The following SLC44A1 variants were observed in gnomAD, a reference collection of about 807,000 sequenced individuals.
SLC44A1 encodes choline transporter-like protein 1.
SLC44A1 carries 26 observed loss-of-function variants against 79.3 expected under a neutral mutation model. That is an observed-to-expected ratio of 0.33 (90% CI 0.24 to 0.46). The LOEUF is 0.46. Among genes scored for constraint, SLC44A1 ranks in the 20% least tolerant of loss-of-function variants. The pLI is 1.00. For synonymous variants in SLC44A1, 263 were observed against 286.2 expected (o/e 0.92, Z 0.82); for missense variants, 688 against 798.1 (o/e 0.86, Z 1.66).
At chr9:105,278,013 A>G (rs370377196) in intron 1 of SLC44A1, among the ~76,000 whole-genome samples, 27 of 152,156 alleles carry the variant, frequency 1.8e-4, no homozygotes, top group African/African-American at 6.0e-4. Flanking sequence ...GATCCAGCAT[A>G]TAGCCTTCTT....
chr9:105,340,554 A>G (rs2131368144), intron 4 of SLC44A1, among the ~76,000 whole-genome samples: 1 of 152,342 alleles, frequency 6.6e-6, no homozygotes, highest in Non-Finnish European at 1.5e-5. Flanking sequence ...TTATTTTATC[A>G]TAATTTTTAT....
intron 1 of SLC44A1, among the ~76,000 whole-genome samples, chr9:105,251,553 C>T (rs1829589014): frequency 6.6e-6 from 1 of 152,200 alleles, no homozygotes. Flanking sequence ...AGGACAAAGA[C>T]CAGAACCCTT....
chr9:105,271,210 C>G lies in SLC44A1; in HGVS notation c.36+26306C>G, dbSNP rs553015113. ...AATCTTGACAGGTTTTCTCTCACCTCTTGGATTCCTGCTGTCAGACCTTGT... is the reference window on the plus strand; with the variant it reads ...AATCTTGACAGGTTTTCTCTCACCTGTTGGATTCCTGCTGTCAGACCTTGT... On this transcript the variant is annotated intron_variant, in intron 1 of 15. Transcript: ENST00000374720. Among the ~76,000 whole-genome samples, 3 of 152,314 alleles carry G rather than the reference C, an allele frequency of 2.0e-5. No individual in the cohort carries two copies. The East Asian group carries it at 5.8e-4, about 29-fold the overall frequency.
intron 2 of SLC44A1, among the ~76,000 whole-genome samples, chr9:105,301,699 A>G (rs993327199): frequency 9.2e-5 from 14 of 152,156 alleles, no homozygotes; most frequent in African/African-American, 2.9e-4. Flanking sequence ...ATTTTTTTCA[A>G]TGAAATAGGT....
exon 16 of SLC44A1, chr9:105,438,325 C>A (rs1438413242): frequency 6.5e-7 from 1 of 1,545,754 alleles, no homozygotes; most frequent in South Asian, 1.2e-5. Context: ...AGAATGAACT[C>A]AGAGGAGGTT....
intron 1 of SLC44A1, among the ~76,000 whole-genome samples, chr9:105,298,954 A>C (rs959202042): frequency 5.3e-5 from 8 of 152,030 alleles, no homozygotes; most frequent in African/African-American, 1.7e-4. Flanking sequence ...CCTGCTAAAA[A>C]CTCTAATACA....
intron 1 of SLC44A1, among the ~76,000 whole-genome samples, chr9:105,286,970 AT>A (rs1830493481): frequency 6.6e-6 from 1 of 152,240 alleles, no homozygotes; most frequent in Non-Finnish European, 1.5e-5. Context: ...TCTTTAAAAA[AT>A]AAATAAAATA....
intron 4 of SLC44A1, among the ~76,000 whole-genome samples, chr9:105,336,326 C>T (rs1826919515): frequency 6.6e-6 from 1 of 152,102 alleles, no homozygotes; most frequent in African/African-American, 2.4e-5. Context: ...TCTGTCATAG[C>T]TCTTTTTCTG....
Position 105,389,235 on chromosome 9 carries a change from C to T in SLC44A1, c.*179C>T. The T allele has an allele frequency of 1.6e-6, 2 of 1,287,020 alleles. No homozygotes were observed. The highest frequency in any genetic ancestry group is 2.0e-6 in the Non-Finnish European group (2 of 1,012,684). The allele number at this position is 1,287,020 out of a possible 1,614,324, so 79.7% of individuals were successfully genotyped here. A position where few individuals can be genotyped will look rare whatever the true frequency, so the allele number is the denominator to read the frequency against. On this transcript the variant is annotated 3_prime_UTR_variant, in exon 16 of 16. Transcript: ENST00000374720. The stretch of plus-strand genomic sequence containing the variant: ...AGAGAAAAGGAACAGGGATTTAATA[C>T]CTTTTTTATGCTTATTTTTGTCAAA...
At chr9:105,254,614 T>C (rs1217109762) in intron 1 of SLC44A1, among the ~76,000 whole-genome samples, 1 of 152,248 alleles carries the variant, frequency 6.6e-6, no homozygotes, top group African/African-American at 2.4e-5. Flanking sequence ...AGCCCCATTA[T>C]GAACTTCACA....
intron 1 of SLC44A1, among the ~76,000 whole-genome samples, chr9:105,264,321 G>A (rs930284204): frequency 2.0e-5 from 3 of 152,046 alleles, no homozygotes; most frequent in Non-Finnish European, 4.4e-5. Flanking sequence ...GCACCACCAC[G>A]CCTAGCTGAT....
intron 12 of SLC44A1, among the ~76,000 whole-genome samples, chr9:105,371,180 T>C (rs1233101375): frequency 6.6e-6 from 1 of 152,196 alleles, no homozygotes; most frequent in African/African-American, 2.4e-5. Flanking sequence ...GTGGTTTGTA[T>C]TTCCAGTAAG....
chr9:105,343,090 G>A (rs1451721881), intron 4 of SLC44A1, among the ~76,000 whole-genome samples: 22 of 151,708 alleles, frequency 1.5e-4, no homozygotes, highest in Non-Finnish European at 2.1e-4. Flanking sequence ...TTTTATTACC[G>A]TTTCCATTAT....
At chr9:105,251,337 C>G (rs1829583296) in intron 1 of SLC44A1, among the ~76,000 whole-genome samples, 1 of 152,212 alleles carries the variant, frequency 6.6e-6, no homozygotes, top group Non-Finnish European at 1.5e-5. Flanking sequence ...CATCTTGCCT[C>G]TTTGACCTTC....
chr9:105,421,591 T>TC (rs1829249809), intron 15 of SLC44A1, among the ~76,000 whole-genome samples: 1 of 150,972 alleles, frequency 6.6e-6, no homozygotes, highest in Non-Finnish European at 1.5e-5. Context: ...TCTTTTTTTT[T>TC]TTTTTTTTTT....
At chr9:105,284,535 G>T (rs375324782) in intron 1 of SLC44A1, among the ~76,000 whole-genome samples, 3 of 151,784 alleles carry the variant, frequency 2.0e-5, no homozygotes, top group African/African-American at 7.3e-5. Flanking sequence ...GCCTACAGAG[G>T]GATTGAAAGT....
At chr9:105,423,190 C>G (rs1267972544) in intron 15 of SLC44A1, among the ~76,000 whole-genome samples, 2 of 152,146 alleles carry the variant, frequency 1.3e-5, no homozygotes. Context: ...CCTGTAATCT[C>G]AACACTTTGG....
At position 105,244,886 on chromosome 9, in the gene SLC44A1, C is replaced by T; in HGVS notation, c.18C>T (p.Ser6=). ...GCCCCGCCATGGGCTGCTGCAGCTC[C>T]GCCTCCTCCGCCGCGCAGGTGAGGG... MGCCS[S]ASSAAQSSKR... The change falls in exon 1 of 16, where the codon TCC becomes TCT. Residue 6 remains serine (S), a synonymous_variant. Coordinates refer to ENST00000374720, the MANE Select transcript of SLC44A1 (RefSeq NM_080546.5). 2 of 1,174,132 alleles carry T rather than the reference C, an allele frequency of 1.7e-6. No homozygotes were observed. Among genetic ancestry groups the T allele is most frequent in the Middle Eastern group, 3.5e-4 (1 of 2,898 alleles). 72.7% of individuals were successfully genotyped at this position (1,174,132 alleles called of 1,614,324 possible).
At chr9:105,406,135 T>C (rs1045127470) in intron 15 of SLC44A1, among the ~76,000 whole-genome samples, 5 of 152,096 alleles carry the variant, frequency 3.3e-5, no homozygotes, top group Non-Finnish European at 7.4e-5. Context: ...CTCTTTTTTT[T>C]TGTGGCTCCA....
Sources: allele counts gnomAD v4.1 joint callset (sites outside exome capture counted in the v4.1 genomes callset), GRCh38; gene constraint gnomAD v4.1.1; transcripts MANE v1.5; gene names NCBI Gene and HGNC (gene_info 2026-07-23, HGNC 2026-07-21).